The following CALN1 variants were observed in gnomAD, a reference collection of about 807,000 sequenced individuals.
The protein encoded by CALN1 is calcium-binding protein 8.
CALN1 carries 17 observed loss-of-function variants against 30.6 expected under a neutral mutation model. The ratio of observed to expected loss-of-function variants is 0.56; its 90% CI spans 0.38 to 0.83. CALN1 has a LOEUF of 0.83. CALN1 is among the 40% of genes least tolerant of loss of function. The pLI is 0.00. For synonymous variants in CALN1, 156 were observed against 131.4 expected (o/e 1.19, Z -1.28); for missense variants, 291 against 354.9 (o/e 0.82, Z 1.45).
chr7:72,338,094 A>C (rs115505121), intron 2 of CALN1, among the ~76,000 whole-genome samples: 2,438 of 152,258 alleles, frequency 0.016, 76 homozygotes, highest in African/African-American at 0.054. Flanking sequence ...AAAAAGAAAG[A>C]AAGCAGCAAG....
chr7:71,857,051 T>TGTGC (rs1045556935), intron 5 of CALN1, among the ~76,000 whole-genome samples: 3 of 151,566 alleles, frequency 2.0e-5, no homozygotes, highest in Non-Finnish European at 4.4e-5. Context: ...TGTGTGTGTG[T>TGTGC]GTGTGTGTTG....
At chr7:71,794,123 C>T (rs1268826956) in intron 6 of CALN1, among the ~76,000 whole-genome samples, 1 of 151,908 alleles carries the variant, frequency 6.6e-6, no homozygotes, top group South Asian at 2.1e-4. Context: ...TCATTTATTG[C>T]GTGAGGAGCC....
intron 5 of CALN1, among the ~76,000 whole-genome samples, chr7:71,952,005 C>G (rs188245195): frequency 6.6e-6 from 1 of 152,020 alleles, no homozygotes; most frequent in African/African-American, 2.4e-5. Flanking sequence ...CCAACAGATG[C>G]GGCTGCTGAT....
chr7:72,391,671 G>C (rs1446653484), intron 2 of CALN1, among the ~76,000 whole-genome samples: 1 of 152,306 alleles, frequency 6.6e-6, no homozygotes, highest in Middle Eastern at 3.4e-3. Flanking sequence ...CAAAAGATCT[G>C]ATGGTTTAAT....
chr7:71,802,667 T>C (rs1787376354), intron 6 of CALN1, among the ~76,000 whole-genome samples: 1 of 152,206 alleles, frequency 6.6e-6, no homozygotes, highest in Non-Finnish European at 1.5e-5. Context: ...GAGGTCTTGC[T>C]ATGTTGCCAG....
At chr7:72,240,711 T>C (rs1008593883) in intron 3 of CALN1, among the ~76,000 whole-genome samples, 1 of 152,222 alleles carries the variant, frequency 6.6e-6, no homozygotes, top group African/African-American at 2.4e-5. Flanking sequence ...CAAGGCCCTA[T>C]AGTCAGCTGG....
chr7:72,234,920 A>G (rs1249707654), intron 3 of CALN1, among the ~76,000 whole-genome samples: 1 of 152,232 alleles, frequency 6.6e-6, no homozygotes, highest in Non-Finnish European at 1.5e-5. Context: ...TGCTATTGCT[A>G]TAATTTCCCA....
intron 5 of CALN1, among the ~76,000 whole-genome samples, chr7:71,811,167 GA>G (rs1355054458): frequency 4.0e-5 from 6 of 151,198 alleles, no homozygotes; most frequent in South Asian, 2.1e-4. Flanking sequence ...AAAGTGCTAG[GA>G]TTACAGGCCT....
chr7:71,848,636 C>T (rs1790457734), intron 5 of CALN1, among the ~76,000 whole-genome samples: 1 of 152,082 alleles, frequency 6.6e-6, no homozygotes, highest in African/African-American at 2.4e-5. Flanking sequence ...CATACACACA[C>T]ATAATATTAC....
intron 5 of CALN1, among the ~76,000 whole-genome samples, chr7:71,816,340 C>T (rs377603249): frequency 2.4e-4 from 37 of 152,214 alleles, no homozygotes; most frequent in African/African-American, 7.9e-4. Context: ...TCAGAGAAAA[C>T]TCATGGGACC....
intron 2 of CALN1, among the ~76,000 whole-genome samples, chr7:72,363,573 T>C (rs1442013153): frequency 6.6e-6 from 1 of 151,624 alleles, no homozygotes; most frequent in Non-Finnish European, 1.5e-5. Context: ...TAAACTTACT[T>C]TTTTTACAGA....
Position 72,398,641 on chromosome 7 carries a change from T to C in CALN1, c.119+4610A>G, listed in dbSNP as rs73702933. Reference sequence around the variant, plus strand: ...GGTGGCATCATGGATGAGTCAGCTCTAGACCTGTTCCAAAGAGCTCCCAAT... The same window carrying C: ...GGTGGCATCATGGATGAGTCAGCTCCAGACCTGTTCCAAAGAGCTCCCAAT... On this transcript the variant is annotated intron_variant, in intron 2 of 6. Coordinates refer to ENST00000395275, the MANE Select transcript of CALN1 (RefSeq NM_031468.4). 9.1e-4 allele frequency among the ~76,000 whole-genome samples: 139 copies of C among 152,310 alleles called. 1 individual carries two copies. Among genetic ancestry groups the C allele is most frequent in the African/African-American group, 3.3e-3 (137 of 41,578 alleles).
intron 3 of CALN1, among the ~76,000 whole-genome samples, chr7:72,155,721 A>C (rs1475982272): frequency 6.6e-6 from 1 of 151,946 alleles, no homozygotes; most frequent in East Asian, 1.9e-4. Context: ...AATTACCCTA[A>C]CTCTATGGCT....
At chr7:72,316,924 G>A (rs777850595) in intron 2 of CALN1, among the ~76,000 whole-genome samples, 4 of 150,418 alleles carry the variant, frequency 2.7e-5, no homozygotes, top group Non-Finnish European at 2.9e-5. Context: ...CAGCCTGGGC[G>A]ACAGAGCAAG....
At chr7:72,014,812 C>T (rs1225867170) in intron 5 of CALN1, among the ~76,000 whole-genome samples, 2 of 152,022 alleles carry the variant, frequency 1.3e-5, no homozygotes, top group Admixed American at 6.6e-5. Flanking sequence ...CAGGCATGTC[C>T]CACCATGTCT....
chr7:72,023,781 A>T lies in CALN1; in HGVS notation c.389-12T>A, dbSNP rs755817545. The T allele has an allele frequency of 8.7e-6, 14 of 1,607,120 alleles. No homozygotes were observed. Among genetic ancestry groups the T allele is most frequent in the Non-Finnish European group, 1.2e-5 (14 of 1,174,010 alleles). On this transcript the variant is annotated splice_polypyrimidine_tract_variant and intron_variant, in intron 4 of 6. Transcript: ENST00000395275. ...CACCTGGCCATCCCCTGCAAGGAGA[A>T]GATGTAAATATGAGTTGCAAACAAG...
Position 72,349,752 on chromosome 7 carries a change from CTGTT to C in CALN1, c.119+53495_119+53498del, listed in dbSNP as rs553520794. Among the ~76,000 whole-genome samples the C allele has an allele frequency of 6.6e-4, 100 of 152,256 alleles. 1 individual carries two copies. Among genetic ancestry groups the C allele is most frequent in the Admixed American group, 5.4e-3 (83 of 15,294 alleles). On this transcript the variant is annotated intron_variant, in intron 2 of 6. Coordinates refer to ENST00000395275, the MANE Select transcript of CALN1 (RefSeq NM_031468.4). Reference sequence around the variant, plus strand: ...GTATATGTCTTCTTTTGAAAACTGCCTGTTTGTGTCCTTTGCCCACTTTGTTATG... The same window carrying C: ...GTATATGTCTTCTTTTGAAAACTGCCTGTGTCCTTTGCCCACTTTGTTATG...
intron 2 of CALN1, among the ~76,000 whole-genome samples, chr7:72,395,341 C>G (rs892799817): frequency 8.0e-6 from 1 of 125,592 alleles, no homozygotes; most frequent in South Asian, 2.7e-4. Flanking sequence ...CATACACACA[C>G]ACGCTGCGCA....
intron 3 of CALN1, among the ~76,000 whole-genome samples, chr7:72,173,471 A>G (rs899541638): frequency 6.6e-6 from 1 of 152,186 alleles, no homozygotes; most frequent in Non-Finnish European, 1.5e-5. Flanking sequence ...TAAAATTTAC[A>G]TATAAAGGCT....
Sources: gnomAD v4.1 joint callset for allele counts (sites outside exome capture counted in the v4.1 genomes callset) on GRCh38, gnomAD v4.1.1 for gene constraint, MANE v1.5 for transcripts, NCBI Gene and HGNC (gene_info 2026-07-23, HGNC 2026-07-21) for gene names.